The following BLOC1S5 variants were observed in gnomAD, a reference collection of about 807,000 sequenced individuals.
BLOC1S5 encodes biogenesis of lysosomal organelles complex 1 subunit 5, also known as biogenesis of lysosome-related organelles complex 1 subunit 5.
In BLOC1S5, 27 loss-of-function variants were observed where a neutral mutation model predicts 24.3. The ratio of observed to expected loss-of-function variants is 1.11; its 90% CI spans 0.82 to 1.53. The LOEUF (loss-of-function observed/expected upper bound fraction) is 1.53, where lower values mean the gene tolerates loss of function less well. BLOC1S5 is among the 40% of genes most tolerant of loss of function. BLOC1S5 has a pLI of 0.00. For synonymous variants in BLOC1S5, 84 were observed against 74.5 expected, an observed-to-expected ratio of 1.13 and a Z score of -0.66; for missense variants, 239 against 229.4, an observed-to-expected ratio of 1.04 and a Z score of -0.27.
intron 1 of BLOC1S5, 140 bp downstream of exon 1, chr6:8,064,125 G>A (rs772526336): frequency 9.8e-6 from 6 of 615,378 alleles, no homozygotes; most frequent in African/African-American, 3.9e-5. Flanking sequence ...AAAAGGCGGG[G>A]ACCGACCACG....
chr6:8,055,986 G>T (rs1764290402), intron 2 of BLOC1S5, among the ~76,000 whole-genome samples: 1 of 152,168 alleles, frequency 6.6e-6, no homozygotes, highest in South Asian at 2.1e-4. Context: ...CTCATGAATG[G>T]ATTAAGGCCA....
chr6:8,032,044 T>C (rs959412079), intron 3 of BLOC1S5, among the ~76,000 whole-genome samples: 1 of 152,142 alleles, frequency 6.6e-6, no homozygotes, highest in African/African-American at 2.4e-5. Flanking sequence ...AAAACCCTTC[T>C]AGACATTGGC....
Position 8,041,169 on chromosome 6 carries a change from G to A in BLOC1S5, c.295C>T (p.Arg99Trp), listed in dbSNP as rs369265282. The A allele has an allele frequency of 1.1e-5, 17 of 1,608,534 alleles. No individual in the cohort carries two copies. In the African/African-American group the frequency reaches 1.3e-4, roughly 13 times the overall value. ...TGGAGAACCTGGCTGAGGCTGTCCC[G>A]CATTGTGTCTCTACATTTGGGAAGA... The part of the protein sequence containing the change: ...HTLPKCRDTM[R>W]DSLSQVLQRL... The change falls in exon 3 of 5, where the codon CGG becomes TGG. Residue 99 changes from arginine to tryptophan, a missense_variant. By Grantham distance (101) the Arg-to-Trp change is moderately radical. Coordinates refer to ENST00000397457, the MANE Select transcript of BLOC1S5 (RefSeq NM_201280.3).
intron 3 of BLOC1S5, among the ~76,000 whole-genome samples, chr6:8,037,630 T>A (rs1274052721): frequency 2.0e-5 from 3 of 152,128 alleles, no homozygotes; most frequent in African/African-American, 7.2e-5. Flanking sequence ...ATCCTAAAAT[T>A]TATACAGAAT....
intron 3 of BLOC1S5, among the ~76,000 whole-genome samples, chr6:8,028,982 G>T (rs963012524): frequency 6.6e-6 from 1 of 151,826 alleles, no homozygotes; most frequent in African/African-American, 2.4e-5. Context: ...AAAAAGTCAA[G>T]AATTTATCAA....
At chr6:8,057,105 G>A (rs1229922223) in intron 2 of BLOC1S5, among the ~76,000 whole-genome samples, 1 of 152,168 alleles carries the variant, frequency 6.6e-6, no homozygotes, top group East Asian at 1.9e-4. Flanking sequence ...TGTAATCCCA[G>A]CTACTTGGGA....
At chr6:8,017,770 C>T (rs560631823) in intron 4 of BLOC1S5, 1 of 152,342 alleles carries the variant, frequency 6.6e-6, no homozygotes, top group African/African-American at 2.4e-5. Flanking sequence ...ACACTTTTAT[C>T]CTCCATGGTC....
intron 4 of BLOC1S5, among the ~76,000 whole-genome samples, chr6:8,024,514 CAAAA>C (rs60853006): frequency 6.1e-5 from 4 of 65,782 alleles, no homozygotes; most frequent in South Asian, 6.9e-4. Flanking sequence ...GACTCCATCT[CAAAA>C]AAAAAAAAAA....
chr6:8,055,129 TC>T (rs1202897589), intron 2 of BLOC1S5, among the ~76,000 whole-genome samples: 1 of 152,214 alleles, frequency 6.6e-6, no homozygotes, highest in Non-Finnish European at 1.5e-5. Context: ...CTCCCAGAGC[TC>T]ATGTTAAAAT....
chr6:8,038,412 A>AT (rs1763561894), intron 3 of BLOC1S5, among the ~76,000 whole-genome samples: 1 of 152,248 alleles, frequency 6.6e-6, no homozygotes, highest in Non-Finnish European at 1.5e-5. Flanking sequence ...AAAGTGCCCA[A>AT]GATCACTAAT....
At chr6:8,016,569 C>G (rs915165588) in intron 4 of BLOC1S5, among the ~76,000 whole-genome samples, 4 of 151,950 alleles carry the variant, frequency 2.6e-5, no homozygotes, top group Non-Finnish European at 5.9e-5. Context: ...GAAGAGAACT[C>G]GAGAAATCTC....
intron 2 of BLOC1S5, among the ~76,000 whole-genome samples, chr6:8,055,044 T>C (rs1764263041): frequency 6.6e-6 from 1 of 152,242 alleles, no homozygotes; most frequent in African/African-American, 2.4e-5. Context: ...TTGCTAATTA[T>C]TTTACCTGAT....
chr6:8,016,081 T>C (rs1762722269), intron 4 of BLOC1S5, among the ~76,000 whole-genome samples: 1 of 152,250 alleles, frequency 6.6e-6, no homozygotes, highest in Non-Finnish European at 1.5e-5. Flanking sequence ...ATCCCAGCAT[T>C]CTGGGAGGCC....
chr6:8,017,444 G>C (rs960442824), intron 4 of BLOC1S5, among the ~76,000 whole-genome samples: 1 of 151,998 alleles, frequency 6.6e-6, no homozygotes, highest in African/African-American at 2.4e-5. Flanking sequence ...ATTTTGGCAT[G>C]TTAATTCCAG....
At chr6:8,035,007 C>T (rs1763439154) in intron 3 of BLOC1S5, among the ~76,000 whole-genome samples, 1 of 151,908 alleles carries the variant, frequency 6.6e-6, no homozygotes, top group Non-Finnish European at 1.5e-5. Flanking sequence ...GAATACTATT[C>T]AGCCATAAAA....
intron 2 of BLOC1S5, among the ~76,000 whole-genome samples, chr6:8,045,529 C>T (rs1763852487): frequency 6.6e-6 from 1 of 152,172 alleles, no homozygotes; most frequent in African/African-American, 2.4e-5. Context: ...ACAGCTTGCA[C>T]CATGCACCTG....
chr6:8,034,692 G>T (rs1477578730), intron 3 of BLOC1S5, among the ~76,000 whole-genome samples: 1 of 152,076 alleles, frequency 6.6e-6, no homozygotes, highest in Non-Finnish European at 1.5e-5. Flanking sequence ...ACTGCTGGTG[G>T]GAATGTAAAC....
chr6:8,041,312 CTTTTT>C lies in BLOC1S5; in HGVS notation c.196-49_196-45del, dbSNP rs55949249. The C allele has an allele frequency of 4.3e-4, 463 of 1,081,484 alleles. 2 individuals carry two copies. In the African/African-American group the frequency reaches 4.4e-3, roughly 10 times the overall value. 67.0% of individuals were successfully genotyped at this position (1,081,484 alleles called of 1,614,324 possible). A position where few individuals can be genotyped will look rare whatever the true frequency, so the allele number is the denominator to read the frequency against. On this transcript the variant is annotated intron_variant, in intron 2 of 4. Coordinates refer to ENST00000397457, the MANE Select transcript of BLOC1S5 (RefSeq NM_201280.3). ...TGACTAATAAATATGGTGTCTTTTC[CTTTTT>C]TTTTTTTTTTTTTGAAATGGAGTCT... is the stretch of plus-strand genomic sequence containing the variant.
chr6:8,033,239 T>C (rs1202541720), intron 3 of BLOC1S5, among the ~76,000 whole-genome samples: 1 of 152,188 alleles, frequency 6.6e-6, no homozygotes, highest in African/African-American at 2.4e-5. Flanking sequence ...ACTACAAGGC[T>C]ACAGTAACCA....
Sources: allele counts gnomAD v4.1 joint callset (sites outside exome capture counted in the v4.1 genomes callset), GRCh38; gene constraint gnomAD v4.1.1; transcripts MANE v1.5; gene names NCBI Gene and HGNC (gene_info 2026-07-23, HGNC 2026-07-21).